The following SNX13 variants were observed in gnomAD, a reference collection of about 807,000 sequenced individuals.
SNX13 encodes the protein sorting nexin 13, also known as sorting nexin-13.
SNX13 carries 45 observed loss-of-function variants against 133.6 expected under a neutral mutation model. That is an observed-to-expected ratio of 0.34 (90% CI 0.27 to 0.43). The LOEUF (loss-of-function observed/expected upper bound fraction) is 0.43, where lower values mean the gene tolerates loss of function less well. Ranked by LOEUF, SNX13 falls within the 20% of genes least tolerant of loss-of-function variation. SNX13 has a pLI of 1.00. For synonymous variants in SNX13, 414 were observed against 373.9 expected (o/e 1.11, Z -1.24); for missense variants, 1,032 against 1,145.1 (o/e 0.90, Z 1.43).
At chr7:17,895,603 A>G (rs1797117230) in intron 2 of SNX13, among the ~76,000 whole-genome samples, 2 of 152,150 alleles carry the variant, frequency 1.3e-5, no homozygotes, top group Admixed American at 1.3e-4. Context: ...ATCCCACCTT[A>G]TCTCCAAATT....
intron 1 of SNX13, among the ~76,000 whole-genome samples, chr7:17,910,030 A>G (rs1368816141): frequency 6.6e-6 from 1 of 152,186 alleles, no homozygotes; most frequent in Non-Finnish European, 1.5e-5. Flanking sequence ...ACCGAGCCCT[A>G]CAAACTGACT....
At chr7:17,929,968 T>C (rs551908373) in intron 1 of SNX13, among the ~76,000 whole-genome samples, 18 of 152,314 alleles carry the variant, frequency 1.2e-4, no homozygotes, top group Admixed American at 3.3e-4. Context: ...CTTGACATTT[T>C]AAAACTACCT....
chr7:17,805,710 T>G (rs1785215654), intron 20 of SNX13, among the ~76,000 whole-genome samples: 1 of 152,224 alleles, frequency 6.6e-6, no homozygotes, highest in Admixed American at 6.5e-5. Context: ...TATCTAGGCA[T>G]GAGGCTATAC....
At chr7:17,871,312 CATT>C (rs1794095947) in intron 8 of SNX13, among the ~76,000 whole-genome samples, 2 of 152,048 alleles carry the variant, frequency 1.3e-5, no homozygotes, top group Non-Finnish European at 2.9e-5. Context: ...GCCAAGGAAT[CATT>C]CTTAACAGAG....
intron 5 of SNX13, chr7:17,879,372 CTG>C (rs1795091151): frequency 1.3e-5 from 2 of 152,206 alleles, no homozygotes; most frequent in South Asian, 4.1e-4. Flanking sequence ...ACTCAGCCAA[CTG>C]TGTTTGTTTT....
chr7:17,906,746 C>A (rs959487934), intron 1 of SNX13, among the ~76,000 whole-genome samples: 1 of 152,158 alleles, frequency 6.6e-6, no homozygotes, highest in African/African-American at 2.4e-5. Context: ...AGTGAACACA[C>A]AAACTCAAGG....
At chr7:17,805,254 T>TGTGTGTGTGCAC (rs537620797) in intron 20 of SNX13, among the ~76,000 whole-genome samples, 2 of 132,440 alleles carry the variant, frequency 1.5e-5, no homozygotes, top group African/African-American at 5.4e-5. Flanking sequence ...TGTGTGTGCG[T>TGTGTGTGTGCAC]GCGCGCGCGC....
chr7:17,836,173 T>C (rs1264854810), intron 13 of SNX13, among the ~76,000 whole-genome samples: 1 of 151,972 alleles, frequency 6.6e-6, no homozygotes, highest in Non-Finnish European at 1.5e-5. Context: ...TGTACCAACA[T>C]GAAACACAAC....
In SNX13 at chr7:17,845,599, A is replaced by G. The variant is rs752818549; in HGVS notation, c.1161T>C (p.Phe387=). ...AAATAGAATTGATCTACCTACCCAT[A>G]AAAAATTGTAGTGCAACATTGTCTA... ...ILVDNVALQF[F]MDYMQQTGGQ... is the part of the protein sequence containing the mutation. The change falls in exon 12 of 26, where the codon TTT becomes TTC. Residue 387 remains phenylalanine, a synonymous_variant. Coordinates refer to ENST00000428135, the MANE Select transcript of SNX13 (RefSeq NM_015132.5). 4 of 1,580,098 alleles carry G rather than the reference A, an allele frequency of 2.5e-6. No individual in the cohort carries two copies. In the Admixed American group the frequency reaches 7.4e-5, roughly 29 times the overall value.
At chr7:17,837,877 G>T (rs1789335891) in intron 13 of SNX13, among the ~76,000 whole-genome samples, 1 of 151,090 alleles carries the variant, frequency 6.6e-6, no homozygotes, top group Non-Finnish European at 1.5e-5. Flanking sequence ...TTAAAAATAG[G>T]AGTCATTTTG....
intron 9 of SNX13, among the ~76,000 whole-genome samples, chr7:17,863,650 G>T (rs915506672): frequency 1.3e-5 from 2 of 152,112 alleles, no homozygotes; most frequent in African/African-American, 4.8e-5. Context: ...AGTGGTCCTG[G>T]GCCATGAATA....
chr7:17,884,977 C>T (rs1795814463), intron 5 of SNX13, among the ~76,000 whole-genome samples: 1 of 152,082 alleles, frequency 6.6e-6, no homozygotes, highest in East Asian at 1.9e-4. Context: ...ATCATACAAT[C>T]CAGAAATTAT....
intron 1 of SNX13, chr7:17,898,330 C>T (rs944567159): frequency 3.3e-5 from 5 of 151,840 alleles, no homozygotes; most frequent in Non-Finnish European, 5.9e-5. Context: ...AGATACTGAA[C>T]CAAAAGAAAA....
intron 16 of SNX13, 37 bp downstream of exon 16, chr7:17,829,973 C>G (rs1365156164): frequency 1.2e-5 from 17 of 1,425,108 alleles, no homozygotes; most frequent in Admixed American, 1.0e-4. Context: ...ACATTATTTT[C>G]AAGTCACTTT....
At chr7:17,847,668 C>G (rs916761987) in intron 11 of SNX13, among the ~76,000 whole-genome samples, 1 of 152,202 alleles carries the variant, frequency 6.6e-6, no homozygotes, top group East Asian at 1.9e-4. Flanking sequence ...TCTCTGCTCT[C>G]CTTTAGGGCA....
At chr7:17,874,000 A>G (rs1794410158) in intron 7 of SNX13, among the ~76,000 whole-genome samples, 1 of 152,200 alleles carries the variant, frequency 6.6e-6, no homozygotes, top group Non-Finnish European at 1.5e-5. Flanking sequence ...TCTTCTTTCA[A>G]GAAAACACCT....
chr7:17,847,164 T>C (rs747335836), intron 11 of SNX13, among the ~76,000 whole-genome samples: 2 of 152,202 alleles, frequency 1.3e-5, no homozygotes, highest in Non-Finnish European at 2.9e-5. Context: ...AGTGAAACCG[T>C]ATCTTTCTTC....
chr7:17,869,417 T>C (rs964565123), intron 8 of SNX13, among the ~76,000 whole-genome samples: 1 of 152,244 alleles, frequency 6.6e-6, no homozygotes, highest in South Asian at 2.1e-4. Flanking sequence ...GTAGATTCTA[T>C]AAATACAATG....
intron 1 of SNX13, among the ~76,000 whole-genome samples, chr7:17,921,664 T>C (rs1302653622): frequency 6.6e-6 from 1 of 152,182 alleles, no homozygotes; most frequent in Non-Finnish European, 1.5e-5. Context: ...CCTGGGGAAG[T>C]AGGGGGATTT....
Sources: allele counts gnomAD v4.1 joint callset (sites outside exome capture counted in the v4.1 genomes callset), GRCh38; gene constraint gnomAD v4.1.1; transcripts MANE v1.5; gene names NCBI Gene and HGNC (gene_info 2026-07-23, HGNC 2026-07-21).